ERICH1: variants seen among roughly 807,000 people sequenced by gnomAD.
ERICH1 encodes the protein glutamate-rich protein 1.
Under a neutral mutation model 39.6 loss-of-function variants are expected in ERICH1, and 56 were observed. That is an observed-to-expected ratio of 1.41 (90% CI 1.14 to 1.77). The LOEUF (loss-of-function observed/expected upper bound fraction) is 1.77. Ranked by LOEUF, ERICH1 falls within the 40% of genes most tolerant of loss-of-function variation. ERICH1 has a pLI of 0.00. For missense variants in ERICH1, 826 were observed against 575.4 expected, an observed-to-expected ratio of 1.44 and a Z score of -4.45; for synonymous variants, 313 against 223.6, an observed-to-expected ratio of 1.40 and a Z score of -3.57.
intron 4 of ERICH1, 66 bp from the exon 5 acceptor site, chr8:668,858 T>G: frequency 6.9e-7 from 1 of 1,445,108 alleles, no homozygotes; most frequent in South Asian, 1.4e-5. Context: ...AAAGATAAGC[T>G]TTCCTCTCTT....
At chr8:678,392 A>C (rs1805346751) in intron 3 of ERICH1, among the ~76,000 whole-genome samples, 1 of 135,316 alleles carries the variant, frequency 7.4e-6, no homozygotes, top group Admixed American at 7.0e-5. Flanking sequence ...ATCCGTTAGA[A>C]ACAGATTCCT....
chr8:690,518 TGCC>T (rs1314216878), intron 3 of ERICH1, among the ~76,000 whole-genome samples: 3 of 152,254 alleles, frequency 2.0e-5, no homozygotes, highest in African/African-American at 7.2e-5. Flanking sequence ...GCGCAGCAAG[TGCC>T]GCTGCGGGGG....
intron 1 of ERICH1, among the ~76,000 whole-genome samples, chr8:724,507 A>G (rs1239300740): frequency 1.3e-5 from 2 of 152,016 alleles, no homozygotes; most frequent in Non-Finnish European, 2.9e-5. Context: ...GCTTCCGGAG[A>G]GGCCGGCACT....
chr8:728,623 T>TAGA (rs1484235121), intron 1 of ERICH1, among the ~76,000 whole-genome samples: 1 of 152,154 alleles, frequency 6.6e-6, no homozygotes, highest in Non-Finnish European at 1.5e-5. Context: ...TCTCCCTGGG[T>TAGA]AGAATGGAGG....
intron 3 of ERICH1, among the ~76,000 whole-genome samples, chr8:645,441 A>G (rs114605709): frequency 0.025 from 1,716 of 69,156 alleles, 597 homozygotes; most frequent in African/African-American, 0.059. Context: ...CATGCCTGAT[A>G]CTGTGCTTGA....
At chr8:625,632 A>G (rs912471464) in intron 3 of ERICH1, 1 of 152,248 alleles carries the variant, frequency 6.6e-6, no homozygotes, top group Non-Finnish European at 1.5e-5. Flanking sequence ...TAAGCAAATT[A>G]TATCTTAAGA....
At chr8:635,956 G>A (rs1457680783) in intron 3 of ERICH1, among the ~76,000 whole-genome samples, 3 of 152,368 alleles carry the variant, frequency 2.0e-5, no homozygotes, top group Non-Finnish European at 4.4e-5. Flanking sequence ...CCTGCGAGCC[G>A]TTCAACCAGG....
chr8:728,679 C>T (rs1585764825), intron 1 of ERICH1, among the ~76,000 whole-genome samples: 1 of 152,220 alleles, frequency 6.6e-6, no homozygotes, highest in Non-Finnish European at 1.5e-5. Context: ...ATTAGGAGAG[C>T]AGTTCATGGT....
chr8:632,691 C>G (rs1005069940), intron 3 of ERICH1, among the ~76,000 whole-genome samples: 1 of 152,228 alleles, frequency 6.6e-6, no homozygotes, highest in African/African-American at 2.4e-5. Context: ...CACGGACACG[C>G]TCAGTCCCAC....
rs185859671 is a variant in ERICH1 at position 713,298 on chromosome 8, G to A, written c.169+2563C>T. 1.6e-3 allele frequency among the ~76,000 whole-genome samples: 244 copies of A among 152,348 alleles called. 5 individuals carry two copies. In the East Asian group the frequency reaches 0.03, roughly 18 times the overall value. On this transcript the variant is annotated intron_variant, in intron 2 of 5. Coordinates refer to ENST00000262109, the MANE Select transcript of ERICH1 (RefSeq NM_207332.3). ...GCTGGTGGCGGCTGTGAGGCGGGGAGCGCAATTCAGCCTATAATAAGTATA... is the reference window on the plus strand; with the variant it reads ...GCTGGTGGCGGCTGTGAGGCGGGGAACGCAATTCAGCCTATAATAAGTATA...
At chr8:713,574 C>T (rs1815255296) in intron 2 of ERICH1, among the ~76,000 whole-genome samples, 1 of 152,126 alleles carries the variant, frequency 6.6e-6, no homozygotes, top group South Asian at 2.1e-4. Context: ...GTGTCTGTGG[C>T]ACTCATCACA....
intron 1 of ERICH1, among the ~76,000 whole-genome samples, chr8:724,359 A>T (rs1818066568): frequency 6.6e-6 from 1 of 152,244 alleles, no homozygotes; most frequent in Non-Finnish European, 1.5e-5. Context: ...AACTTTGCCC[A>T]GAGTTTCTCC....
chr8:728,265 T>G (rs1819249838), intron 1 of ERICH1, among the ~76,000 whole-genome samples: 1 of 152,126 alleles, frequency 6.6e-6, no homozygotes, highest in Non-Finnish European at 1.5e-5. Context: ...AGTAAGCGTT[T>G]CAGGAAGGAA....
At chr8:687,994 A>G (rs192339397) in intron 3 of ERICH1, among the ~76,000 whole-genome samples, 2,322 of 152,026 alleles carry the variant, frequency 0.015, 75 homozygotes, top group African/African-American at 0.054. Flanking sequence ...CCGGGTCCCG[A>G]GCCCCGACCG....
chr8:731,150 G>T lies in ERICH1; in HGVS notation c.12C>A (p.His4Gln), dbSNP rs781265770. The stretch of plus-strand genomic sequence containing the variant: ...ACCGCACCCACCTACCGTGCTTCCT[G>T]TGCGCCGCCATGCGGGACCCTGCCG... MAAHRKHVFVEKVL... is the reference protein window; with the variant it reads MAAQRKHVFVEKVL... Residue 4 changes from histidine (H) to glutamine (Q), a missense_variant, in exon 1 of 6, where the codon CAC becomes CAA. Coordinates refer to ENST00000262109, the MANE Select transcript of ERICH1 (RefSeq NM_207332.3). 6.6e-7 allele frequency: 1 copy of T among 1,518,742 alleles called. No homozygotes were observed. Among genetic ancestry groups the T allele is most frequent in the Non-Finnish European group, 8.8e-7 (1 of 1,135,808 alleles). 94.1% of individuals were successfully genotyped at this position (1,518,742 alleles called of 1,614,324 possible). A position where few individuals can be genotyped will look rare whatever the true frequency, so the allele number is the denominator to read the frequency against.
chr8:615,468 G>A, intron 3 of ERICH1: 1 of 474,522 alleles, frequency 2.1e-6, no homozygotes, highest in Non-Finnish European at 3.7e-6. Flanking sequence ...GCCTGGGGTG[G>A]CTGTCATCTC....
chr8:672,784 T>C (rs1039280973), intron 4 of ERICH1, among the ~76,000 whole-genome samples: 1 of 152,242 alleles, frequency 6.6e-6, no homozygotes, highest in African/African-American at 2.4e-5. Context: ...TGCACAATAA[T>C]GCATGCTGAG....
intron 4 of ERICH1, among the ~76,000 whole-genome samples, chr8:671,475 C>G (rs1459976177): frequency 1.4e-5 from 2 of 144,756 alleles, no homozygotes; most frequent in African/African-American, 5.1e-5. Context: ...GCTCCGACCT[C>G]TGAACGTGCC....
intron 1 of ERICH1, among the ~76,000 whole-genome samples, chr8:718,974 A>C (rs549568012): frequency 5.6e-4 from 85 of 152,008 alleles, no homozygotes; most frequent in African/African-American, 2.0e-3. Flanking sequence ...TCCCATCTGT[A>C]CCCAGGTGTG....
Sources: gnomAD v4.1 joint callset for allele counts (sites outside exome capture counted in the v4.1 genomes callset) on GRCh38, gnomAD v4.1.1 for gene constraint, MANE v1.5 for transcripts, NCBI Gene and HGNC (gene_info 2026-07-23, HGNC 2026-07-21) for gene names.